GLRA3: variants seen among roughly 807,000 people sequenced by gnomAD.
The protein encoded by GLRA3 is glycine receptor subunit alpha-3.
Under a neutral mutation model 60.4 loss-of-function variants are expected in GLRA3, and 44 were observed. That is an observed-to-expected ratio of 0.73 (90% CI 0.57 to 0.94). GLRA3 has a LOEUF of 0.94. GLRA3 is among the 40% of genes least tolerant of loss of function. The pLI is 0.00. For synonymous variants in GLRA3, 223 were observed against 192.9 expected, an observed-to-expected ratio of 1.16 and a Z score of -1.29; for missense variants, 508 against 564.6, an observed-to-expected ratio of 0.90 and a Z score of 1.02.
At chr4:174,764,556 C>CAAAA (rs370090291) in intron 3 of GLRA3, among the ~76,000 whole-genome samples, 4 of 148,152 alleles carry the variant, frequency 2.7e-5, no homozygotes, top group Non-Finnish European at 1.5e-5. Flanking sequence ...GACTCCGTCT[C>CAAAA]AAAAAAAAAA....
intron 2 of GLRA3, among the ~76,000 whole-genome samples, chr4:174,777,141 T>C (rs1738633425): frequency 6.6e-6 from 1 of 152,038 alleles, no homozygotes; most frequent in Admixed American, 6.6e-5. Flanking sequence ...ATCCTCCTAC[T>C]GAAAAATGTC....
At chr4:174,790,429 C>A (rs1739286271) in intron 1 of GLRA3, among the ~76,000 whole-genome samples, 1 of 152,000 alleles carries the variant, frequency 6.6e-6, no homozygotes, top group South Asian at 2.1e-4. Flanking sequence ...GAGCTTTATT[C>A]TACCATCTGG....
intron 6 of GLRA3, 40 bp from the exon 7 acceptor site, chr4:174,677,332 A>AT (rs1734171087): frequency 1.7e-6 from 2 of 1,147,438 alleles, no homozygotes; most frequent in Non-Finnish European, 2.6e-6. Flanking sequence ...TAGTACAAAT[A>AT]GGTCTTTGTT....
At chr4:174,820,849 A>C (rs769660669) in intron 1 of GLRA3, among the ~76,000 whole-genome samples, 29 of 152,134 alleles carry the variant, frequency 1.9e-4, no homozygotes, top group Non-Finnish European at 3.4e-4. Context: ...AATTACATCT[A>C]TTTTATTTTC....
chr4:174,722,957 G>A (rs779596572), intron 4 of GLRA3: 2 of 167,490 alleles, frequency 1.2e-5, no homozygotes. Context: ...TCTAGGAGCC[G>A]AGAGACCATC....
chr4:174,649,282 A>C (rs1732945669), intron 9 of GLRA3, among the ~76,000 whole-genome samples: 1 of 152,182 alleles, frequency 6.6e-6, no homozygotes, highest in African/African-American at 2.4e-5. Flanking sequence ...TGAGCAGGGA[A>C]GGAGGCAAAG....
chr4:174,666,213 T>C (rs941757405), intron 7 of GLRA3, among the ~76,000 whole-genome samples: 5 of 152,124 alleles, frequency 3.3e-5, no homozygotes, highest in African/African-American at 1.2e-4. Flanking sequence ...AAATTTCATC[T>C]GATATTTAAG....
chr4:174,824,413 T>G (rs1238502201), intron 1 of GLRA3, among the ~76,000 whole-genome samples: 1 of 152,196 alleles, frequency 6.6e-6, no homozygotes, highest in Non-Finnish European at 1.5e-5. Context: ...ATATTTTGAG[T>G]CAAGTTATAA....
intron 1 of GLRA3, among the ~76,000 whole-genome samples, chr4:174,819,491 T>C (rs954691834): frequency 2.0e-5 from 3 of 152,174 alleles, no homozygotes; most frequent in African/African-American, 7.2e-5. Context: ...TCAAATTCCA[T>C]CCTCTTTTCT....
intron 3 of GLRA3, among the ~76,000 whole-genome samples, chr4:174,744,430 T>C (rs1370324256): frequency 1.3e-5 from 2 of 152,200 alleles, no homozygotes; most frequent in African/African-American, 4.8e-5. Context: ...CTACCCCCAC[T>C]GGGACCAGGA....
At chr4:174,718,227 A>C (rs1735997644) in intron 4 of GLRA3, among the ~76,000 whole-genome samples, 1 of 152,206 alleles carries the variant, frequency 6.6e-6, no homozygotes, top group Non-Finnish European at 1.5e-5. Flanking sequence ...TTGATACTGA[A>C]TTTCTTTGTC....
chr4:174,807,265 T>G (rs2111357761), intron 1 of GLRA3, among the ~76,000 whole-genome samples: 1 of 152,172 alleles, frequency 6.6e-6, no homozygotes, highest in South Asian at 2.1e-4. Flanking sequence ...TCTCTAAATA[T>G]ATGTAAATTT....
At chr4:174,679,638 C>T (rs1734265335) in intron 6 of GLRA3, among the ~76,000 whole-genome samples, 2 of 152,036 alleles carry the variant, frequency 1.3e-5, no homozygotes, top group Non-Finnish European at 2.9e-5. Flanking sequence ...CCAAGTGTCC[C>T]TCAGTGGAAG....
At chr4:174,749,866 A>G (rs1392642707) in intron 3 of GLRA3, among the ~76,000 whole-genome samples, 1 of 152,134 alleles carries the variant, frequency 6.6e-6, no homozygotes, top group Non-Finnish European at 1.5e-5. Context: ...GCAGAGTGAC[A>G]TATATGAGTG....
intron 7 of GLRA3, among the ~76,000 whole-genome samples, chr4:174,662,252 A>G (rs866806695): frequency 6.6e-6 from 1 of 152,334 alleles, no homozygotes. Context: ...TCATTTGCCA[A>G]GTATTAGAAA....
rs1316946419 is a variant in GLRA3 at position 174,642,988 on chromosome 4, A to G, written c.*798T>C. 2.2e-6 allele frequency: 2 copies of G among 899,334 alleles called. No homozygotes were observed. Among genetic ancestry groups the G allele is most frequent in the African/African-American group, 1.8e-5 (1 of 54,962 alleles). 55.7% of individuals were successfully genotyped at this position (899,334 alleles called of 1,614,324 possible). ...GTTAAGTAGCTATTAAAAGTCTAAC[A>G]AAAACAAGGGTGCTGGCTTGAATTG... On this transcript the variant is annotated 3_prime_UTR_variant, in exon 10 of 10. Transcript: ENST00000274093.
chr4:174,639,339 T>C lies in GLRA3; in HGVS notation c.*4447A>G, dbSNP rs1445069239. The C allele has an allele frequency of 2.0e-5, 3 of 151,708 alleles. No individual in the cohort carries two copies. The highest frequency in any genetic ancestry group is 4.4e-5 in the Non-Finnish European group (3 of 67,944). 9.4% of individuals were successfully genotyped at this position (151,708 alleles called of 1,614,324 possible). A position where few individuals can be genotyped will look rare whatever the true frequency, so the allele number is the denominator to read the frequency against. On this transcript the variant is annotated 3_prime_UTR_variant, in exon 10 of 10. Coordinates refer to ENST00000274093, the MANE Select transcript of GLRA3 (RefSeq NM_006529.4). ...AAATTGACTGTCTTTGTATTTTTAATCTAAAGGAATTCATCTCATTACCAA... is the reference window on the plus strand; with the variant it reads ...AAATTGACTGTCTTTGTATTTTTAACCTAAAGGAATTCATCTCATTACCAA...
chr4:174,671,737 C>T (rs1038732806), intron 7 of GLRA3, among the ~76,000 whole-genome samples: 4 of 152,084 alleles, frequency 2.6e-5, no homozygotes, highest in Admixed American at 6.5e-5. Flanking sequence ...GCAACCTCTG[C>T]CTCCCGGGTT....
chr4:174,748,667 T>C (rs180907722), intron 3 of GLRA3, among the ~76,000 whole-genome samples: 10 of 152,060 alleles, frequency 6.6e-5, no homozygotes, highest in Admixed American at 6.5e-4. Context: ...CAGGTTAAAT[T>C]TTAGGTTTGG....
Sources: allele counts gnomAD v4.1 joint callset (sites outside exome capture counted in the v4.1 genomes callset), GRCh38; gene constraint gnomAD v4.1.1; transcripts MANE v1.5; gene names NCBI Gene and HGNC (gene_info 2026-07-23, HGNC 2026-07-21).